The following AMBRA1 variants were observed in gnomAD, a reference collection of about 807,000 sequenced individuals.
AMBRA1 encodes the protein autophagy and beclin 1 regulator 1, also known as activating molecule in BECN1-regulated autophagy protein 1.
A neutral mutation model predicts 125.4 loss-of-function variants in AMBRA1; 47 were observed. The ratio of observed to expected loss-of-function variants is 0.37; its 90% CI spans 0.30 to 0.48. AMBRA1 has a LOEUF of 0.48. Among genes scored for constraint, AMBRA1 ranks in the 20% least tolerant of loss-of-function variants. The pLI, the probability that AMBRA1 is intolerant of heterozygous loss-of-function variation, is 0.99. For missense variants in AMBRA1, 1,331 were observed against 1,693.4 expected, an observed-to-expected ratio of 0.79 and a Z score of 3.76; for synonymous variants, 626 against 655.5, an observed-to-expected ratio of 0.95 and a Z score of 0.69.
intron 1 of AMBRA1, among the ~76,000 whole-genome samples, chr11:46,558,789 C>A (rs1430963731): frequency 2.6e-5 from 4 of 152,092 alleles, no homozygotes; most frequent in Non-Finnish European, 5.9e-5. Context: ...ATTATAAACT[C>A]TGTGAGGGCA....
intron 17 of AMBRA1, among the ~76,000 whole-genome samples, chr11:46,402,572 G>C (rs557272330): frequency 3.9e-5 from 6 of 152,098 alleles, no homozygotes; most frequent in African/African-American, 1.4e-4. Context: ...CACCACATTG[G>C]CCAGGCTGGT....
At chr11:46,520,900 C>T (rs1377628885) in intron 7 of AMBRA1, among the ~76,000 whole-genome samples, 1 of 151,972 alleles carries the variant, frequency 6.6e-6, no homozygotes, top group Non-Finnish European at 1.5e-5. Flanking sequence ...CCACCGCGCC[C>T]GGCCCCTATA....
At chr11:46,402,646 G>C (rs904152713) in intron 17 of AMBRA1, among the ~76,000 whole-genome samples, 5 of 152,200 alleles carry the variant, frequency 3.3e-5, no homozygotes, top group African/African-American at 1.2e-4. Flanking sequence ...TTACAGGCAT[G>C]AGCCACTGGA....
intron 12 of AMBRA1, among the ~76,000 whole-genome samples, chr11:46,437,628 A>G (rs1222705692): frequency 2.6e-5 from 4 of 152,234 alleles, no homozygotes; most frequent in Admixed American, 6.5e-5. Flanking sequence ...TTCAGTTACA[A>G]TAAGTGTCAC....
At chr11:46,513,829 T>C (rs1037599874) in intron 7 of AMBRA1, among the ~76,000 whole-genome samples, 3 of 152,108 alleles carry the variant, frequency 2.0e-5, no homozygotes, top group African/African-American at 4.8e-5. Context: ...TAAGGAAAGC[T>C]AGAAATCTGG....
chr11:46,425,351 TAA>T (rs1947076252), intron 14 of AMBRA1, among the ~76,000 whole-genome samples: 1 of 149,086 alleles, frequency 6.7e-6, no homozygotes, highest in African/African-American at 2.5e-5. Flanking sequence ...TGTGTGTGTG[TAA>T]GAAGTAGTAT....
At chr11:46,509,362 T>C (rs184958286) in intron 8 of AMBRA1, among the ~76,000 whole-genome samples, 265 of 152,228 alleles carry the variant, frequency 1.7e-3, no homozygotes, top group Admixed American at 2.6e-3. Flanking sequence ...AACAGAAAAA[T>C]GTTTTCTATG....
intron 1 of AMBRA1, among the ~76,000 whole-genome samples, chr11:46,568,790 C>T (rs979456825): frequency 1.4e-5 from 2 of 145,954 alleles, no homozygotes; most frequent in Non-Finnish European, 3.0e-5. Context: ...AAAAAAGGAA[C>T]CCTCAACCCT....
chr11:46,484,975 T>C (rs1950214891), intron 11 of AMBRA1, among the ~76,000 whole-genome samples: 2 of 151,150 alleles, frequency 1.3e-5, no homozygotes, highest in Non-Finnish European at 2.9e-5. Flanking sequence ...CTCACTCTTG[T>C]CCCCCAGGCT....
rs186141855 is a variant in AMBRA1 at position 46,437,854 on chromosome 11, C to T, written c.2633-2817G>A. Reference sequence around the variant, plus strand: ...AGAAGTAAAATATAGCCGAAGACACCGGCTATAGCTTACACACCATTAGAA... The same window carrying T: ...AGAAGTAAAATATAGCCGAAGACACTGGCTATAGCTTACACACCATTAGAA... On this transcript the variant is annotated intron_variant, in intron 12 of 17. Transcript: ENST00000683756. Among the ~76,000 whole-genome samples, 17 of 152,124 alleles carry T rather than the reference C, an allele frequency of 1.1e-4. 1 individual carries two copies. In the East Asian group the frequency reaches 2.7e-3, roughly 24 times the overall value.
intron 12 of AMBRA1, among the ~76,000 whole-genome samples, chr11:46,439,198 C>T (rs892948523): frequency 6.6e-6 from 1 of 152,060 alleles, no homozygotes; most frequent in Non-Finnish European, 1.5e-5. Flanking sequence ...CATTTGAGCT[C>T]AGGAGTTTGA....
At chr11:46,454,559 C>A in intron 11 of AMBRA1, among the ~76,000 whole-genome samples, 1 of 144,568 alleles carries the variant, frequency 6.9e-6, no homozygotes, top group Non-Finnish European at 1.5e-5. Flanking sequence ...CACGGTGAAA[C>A]CCCATCTCCA....
At chr11:46,476,018 C>G (rs1949798607) in intron 11 of AMBRA1, among the ~76,000 whole-genome samples, 1 of 152,148 alleles carries the variant, frequency 6.6e-6, no homozygotes, top group South Asian at 2.1e-4. Context: ...GTCACTCTTC[C>G]ATATAGGGGA....
At chr11:46,419,063 A>G (rs1251886841) in intron 14 of AMBRA1, among the ~76,000 whole-genome samples, 1 of 152,234 alleles carries the variant, frequency 6.6e-6, no homozygotes, top group African/African-American at 2.4e-5. Context: ...TAAAACTGCT[A>G]TTGTTAAGGA....
intron 11 of AMBRA1, among the ~76,000 whole-genome samples, chr11:46,460,822 C>CA (rs1249923805): frequency 1.6e-4 from 24 of 152,234 alleles, no homozygotes; most frequent in Non-Finnish European, 1.5e-4. Flanking sequence ...CACGGTGGCT[C>CA]ACATCTGTAA....
chr11:46,505,855 C>T (rs951479114), intron 9 of AMBRA1, among the ~76,000 whole-genome samples: 3 of 152,088 alleles, frequency 2.0e-5, no homozygotes, highest in Non-Finnish European at 4.4e-5. Flanking sequence ...GGACAAGTCA[C>T]GAGGCAAGAT....
Position 46,403,356 on chromosome 11 carries a change from G to A in AMBRA1, c.3403+5157C>T, listed in dbSNP as rs1211148233. On this transcript the variant is annotated intron_variant, in intron 17 of 17. Transcript: ENST00000683756. ...CTGGCCCAGGGCCCAGGCTACTGCT[G>A]CTGGTCTACCGACCATCTTCACCAG... Among the ~76,000 whole-genome samples, 5 of 152,220 alleles carry A rather than the reference G, an allele frequency of 3.3e-5. No individual in the cohort carries two copies. In the East Asian group the frequency reaches 9.6e-4, roughly 29 times the overall value.
At position 46,494,134 on chromosome 11, in the gene AMBRA1, A is replaced by G. The variant is rs765868168; in HGVS notation, c.2410T>C (p.Phe804Leu). 2 of 1,607,162 alleles carry G rather than the reference A, an allele frequency of 1.2e-6. No individual in the cohort carries two copies. Among genetic ancestry groups the G allele is most frequent in the Admixed American group, 1.7e-5 (1 of 59,324 alleles). Residue 804 changes from phenylalanine (F) to leucine (L), a missense_variant, in exon 10 of 18, where the codon TTT becomes CTT. Physicochemically the swap from Phe to Leu is conservative, Grantham distance 22. This residue lies in a region of AMBRA1 where 354 missense variants were observed against 532.7 expected (regional missense o/e 0.66). Coordinates refer to ENST00000683756, the MANE Select transcript of AMBRA1 (RefSeq NM_001387011.1). ...CAACTCGGTTCTTACCTTGGGACAA[A>G]GCGTCCAAGCGAAGGTGCAGACATC... is the stretch of plus-strand genomic sequence containing the variant. ...ARMSAPSLGR[F>L]VPRRFLLPEY... is the part of the protein sequence containing the mutation.
In AMBRA1 at chr11:46,591,941, A is replaced by ATTT. The variant is rs1167665024; in HGVS notation, c.-121+1884_-121+1886dup. On this transcript the variant is annotated intron_variant, in intron 1 of 17. Coordinates refer to ENST00000683756, the MANE Select transcript of AMBRA1 (RefSeq NM_001387011.1). Reference sequence around the variant, plus strand: ...CCAACCCAGAATGACCTCAAGACTGATTTTTTTTTTTTTTTTTTTTTGAGA... The same window carrying ATTT: ...CCAACCCAGAATGACCTCAAGACTGATTTTTTTTTTTTTTTTTTTTTTTTGAGA... 6.1e-3 allele frequency among the ~76,000 whole-genome samples: 697 copies of ATTT among 115,116 alleles called. 24 individuals carry two copies. Among genetic ancestry groups the ATTT allele is most frequent in the African/African-American group, 0.024 (664 of 27,190 alleles). 75.5% of individuals were successfully genotyped at this position (115,116 alleles called of 152,430 possible). A position where few individuals can be genotyped will look rare whatever the true frequency, so the allele number is the denominator to read the frequency against.
Sources: gnomAD v4.1 joint callset for allele counts (sites outside exome capture counted in the v4.1 genomes callset) on GRCh38, gnomAD v4.1.1 for gene constraint, gnomAD v4.1.1 regional missense constraint, MANE v1.5 for transcripts, NCBI Gene and HGNC (gene_info 2026-07-23, HGNC 2026-07-21) for gene names.